The following BCL2L13 variants were observed in gnomAD, a reference collection of about 807,000 sequenced individuals.
BCL2L13 encodes bcl-2-like protein 13.
In BCL2L13, 13 loss-of-function variants were observed where a neutral mutation model predicts 25.8. That is an observed-to-expected ratio of 0.50 (90% CI 0.33 to 0.80). BCL2L13 has a LOEUF of 0.80. Among genes scored for constraint, BCL2L13 ranks in the 30% least tolerant of loss-of-function variants. The pLI is 0.02. For missense variants in BCL2L13, 504 were observed against 574.9 expected (o/e 0.88, Z 1.26); for synonymous variants, 244 against 230.3 (o/e 1.06, Z -0.54).
intron 3 of BCL2L13, among the ~76,000 whole-genome samples, chr22:17,683,734 T>C (rs993585291): frequency 9.8e-5 from 11 of 112,494 alleles, no homozygotes; most frequent in Non-Finnish European, 2.1e-4. Flanking sequence ...CATTCAACTT[T>C]ATAGCCATTT....
chr22:17,709,188 A>T (rs2060673530), intron 6 of BCL2L13, among the ~76,000 whole-genome samples: 1 of 151,716 alleles, frequency 6.6e-6, no homozygotes, highest in African/African-American at 2.4e-5. Context: ...GTGAGCCAAG[A>T]CTGCGCCACT....
intron 1 of BCL2L13, among the ~76,000 whole-genome samples, chr22:17,649,872 T>C (rs2058620078): frequency 2.1e-4 from 1 of 4,678 alleles, no homozygotes; most frequent in Non-Finnish European, 4.7e-4. Flanking sequence ...TTTTCTTTTC[T>C]TTTTTTTTTT....
chr22:17,724,683 C>T (rs1367622580), intron 6 of BCL2L13, among the ~76,000 whole-genome samples: 1 of 152,194 alleles, frequency 6.6e-6, no homozygotes, highest in Admixed American at 6.5e-5. Flanking sequence ...TGAAATTATC[C>T]TACTTCAGTT....
intron 6 of BCL2L13, among the ~76,000 whole-genome samples, chr22:17,714,149 C>G (rs1281239623): frequency 1.3e-5 from 2 of 151,928 alleles, no homozygotes; most frequent in Admixed American, 6.6e-5. Context: ...AAAAGTTAGC[C>G]GGGCGTGGTG....
intron 2 of BCL2L13, among the ~76,000 whole-genome samples, chr22:17,662,897 A>G (rs567907283): frequency 6.8e-4 from 104 of 152,176 alleles, no homozygotes; most frequent in Non-Finnish European, 1.3e-3. Context: ...TTTTTGACAC[A>G]GAGTCTCTCT....
chr22:17,706,567 A>T, intron 6 of BCL2L13: 1 of 709,210 alleles, frequency 1.4e-6, no homozygotes. Flanking sequence ...ACTTTTACAA[A>T]TGCCAGGTTT....
At chr22:17,695,889 CA>C (rs2060250509) in intron 4 of BCL2L13, 5 of 330,260 alleles carry the variant, frequency 1.5e-5, no homozygotes, top group East Asian at 4.8e-5. Context: ...CAAGCAGTTA[CA>C]AAAAAATTAC....
intron 1 of BCL2L13, among the ~76,000 whole-genome samples, 156 bp downstream of exon 1, chr22:17,639,042 G>T (rs995530025): frequency 1.3e-5 from 2 of 152,172 alleles, no homozygotes; most frequent in Admixed American, 6.5e-5. Context: ...GCGCTCCTTC[G>T]CCCGAAGGTG....
intron 2 of BCL2L13, among the ~76,000 whole-genome samples, chr22:17,678,832 TG>T (rs997091368): frequency 1.3e-5 from 2 of 152,196 alleles, no homozygotes; most frequent in African/African-American, 4.8e-5. Context: ...GTTTCTTCAG[TG>T]GATAAATGAA....
At chr22:17,696,838 A>G (rs1198898618) in intron 5 of BCL2L13, among the ~76,000 whole-genome samples, 1 of 152,152 alleles carries the variant, frequency 6.6e-6, no homozygotes, top group Non-Finnish European at 1.5e-5. Context: ...TTGCTTATCT[A>G]TTATCTTAGA....
At chr22:17,668,349 A>T (rs2059303503) in intron 2 of BCL2L13, among the ~76,000 whole-genome samples, 1 of 151,552 alleles carries the variant, frequency 6.6e-6, no homozygotes, top group East Asian at 1.9e-4. Context: ...TGAGTGTCTT[A>T]TCTAAGAAAC....
rs1010026322 is a variant in BCL2L13 at position 17,727,296 on chromosome 22, C to T, written c.1220C>T (p.Thr407Met). The T allele has an allele frequency of 1.2e-5, 20 of 1,614,096 alleles. No individual in the cohort carries two copies. Among genetic ancestry groups the T allele is most frequent in the Non-Finnish European group, 1.4e-5 (17 of 1,180,050 alleles). Residue 407 changes from threonine to methionine, a missense_variant, in exon 7 of 7, where the codon ACG (threonine) becomes ATG (methionine). By Grantham distance (81) the Thr-to-Met change is moderately conservative (BLOSUM62 -1). Coordinates refer to ENST00000317582, the MANE Select transcript of BCL2L13 (RefSeq NM_015367.4). ...GTCCCCGCACTGGAACCCACAGAAA[C>T]GCTGCTGAGTGAGAAGGAGATAAAC... ...EVVPALEPTE[T>M]LLSEKEINAR...
rs112292802 is a variant in BCL2L13 at position 17,689,278 on chromosome 22, T to G, written c.386+136T>G. 12 of 765,644 alleles carry G rather than the reference T, an allele frequency of 1.6e-5. No individual in the cohort carries two copies. In the African/African-American group the frequency reaches 1.6e-4, roughly 10 times the overall value. The allele number at this position is 765,644 out of a possible 1,614,324, so 47.4% of individuals were successfully genotyped here. ...TCACTTTTCTTTACATTTTCTTCAT[T>G]TTCTTTCCCAAAGCATCTCTGTGTT... On this transcript the variant is annotated intron_variant, in intron 4 of 6. Coordinates refer to ENST00000317582, the MANE Select transcript of BCL2L13 (RefSeq NM_015367.4).
At chr22:17,661,991 CAAAA>C (rs757785893) in intron 2 of BCL2L13, among the ~76,000 whole-genome samples, 6 of 105,826 alleles carry the variant, frequency 5.7e-5, no homozygotes, top group African/African-American at 2.0e-4. Flanking sequence ...AACTCCATCT[CAAAA>C]AAAAAAAAAA....
chr22:17,692,204 T>C (rs998925010), intron 4 of BCL2L13, among the ~76,000 whole-genome samples: 1 of 152,246 alleles, frequency 6.6e-6, no homozygotes, highest in African/African-American at 2.4e-5. Flanking sequence ...GCTCTTTTCT[T>C]CTTTGCTCTA....
intron 2 of BCL2L13, among the ~76,000 whole-genome samples, chr22:17,656,777 G>A (rs530635780): frequency 2.9e-4 from 44 of 152,158 alleles, no homozygotes; most frequent in African/African-American, 1.1e-3. Flanking sequence ...GCAGTCTGTT[G>A]TCATTCTACT....
At chr22:17,673,347 A>G (rs1205482310) in intron 2 of BCL2L13, among the ~76,000 whole-genome samples, 5 of 138,248 alleles carry the variant, frequency 3.6e-5, no homozygotes, top group Admixed American at 7.8e-5. Context: ...ATGACTTCTC[A>G]TTTTCTTTTC....
At chr22:17,676,439 G>C (rs1006858786) in intron 2 of BCL2L13, among the ~76,000 whole-genome samples, 43 of 152,096 alleles carry the variant, frequency 2.8e-4, no homozygotes, top group Non-Finnish European at 8.8e-5. Flanking sequence ...CTCCAGCCTG[G>C]GTGACAGAGC....
At chr22:17,695,889 C>A in intron 4 of BCL2L13, 2 of 330,278 alleles carry the variant, frequency 6.1e-6, no homozygotes, top group Non-Finnish European at 1.1e-5. Context: ...CAAGCAGTTA[C>A]AAAAAAATTA....
Sources: allele counts gnomAD v4.1 joint callset (sites outside exome capture counted in the v4.1 genomes callset), GRCh38; gene constraint gnomAD v4.1.1; transcripts MANE v1.5; gene names NCBI Gene and HGNC (gene_info 2026-07-23, HGNC 2026-07-21).